TRIP11: variants seen among roughly 807,000 people sequenced by gnomAD.
TRIP11 encodes the protein thyroid hormone receptor interactor 11, also known as thyroid receptor-interacting protein 11.
In TRIP11, 148 loss-of-function variants were observed where a neutral mutation model predicts 223.1. The ratio of observed to expected loss-of-function variants is 0.66; its 90% confidence interval spans 0.58 to 0.76. The LOEUF is 0.76. Ranked by LOEUF, TRIP11 falls within the 30% of genes least tolerant of loss-of-function variation. The pLI, the probability that TRIP11 is intolerant of heterozygous loss-of-function variation, is 0.00. For synonymous variants in TRIP11, 762 were observed against 772.6 expected (o/e 0.99, Z 0.23); for missense variants, 2,043 against 2,222.0 (o/e 0.92, Z 1.62).
At chr14:91,993,785 C>T in intron 15 of TRIP11, 24 bp downstream of exon 15, 1 of 1,555,222 alleles carries the variant, frequency 6.4e-7, no homozygotes, top group Non-Finnish European at 8.9e-7. Context: ...ATAAAACCTA[C>T]AAGAGAAAAC....
At position 92,006,238 on chromosome 14, in the gene TRIP11, T is replaced by G. The variant is rs758648387; in HGVS notation, c.1738A>C (p.Lys580Gln). 7.4e-6 allele frequency: 12 copies of G among 1,613,024 alleles called. No individual in the cohort carries two copies. In the African/African-American group the frequency reaches 1.6e-4, roughly 22 times the overall value. The change falls in exon 11 of 21, where the codon AAA becomes CAA. Residue 580 changes from lysine (K) to glutamine (Q), a missense_variant. Coordinates refer to ENST00000267622, the MANE Select transcript of TRIP11 (RefSeq NM_004239.4). The part of the protein sequence containing the change: ...ALNDLHLTKQ[K>Q]LEDKVENLVD... ...AAATTTTCTACTTTGTCCTCAAGTT[T>G]CTGCTTGGTTAAATGTAAATCATTT...
rs1038370053 is a variant in TRIP11 at position 91,988,424 on chromosome 14, T to G, written c.5161-41A>C. 7.1e-6 allele frequency: 11 copies of G among 1,550,702 alleles called. 1 individual carries two copies. In the South Asian group the frequency reaches 1.2e-4, roughly 17 times the overall value. On this transcript the variant is annotated intron_variant, in intron 15 of 20. Transcript: ENST00000267622. ...TTATTAAAAAAAAGTATGCAAAAAT[T>G]ATTTCACAAACTATAAGGCTGAGAG...
intron 15 of TRIP11, among the ~76,000 whole-genome samples, chr14:91,991,168 T>C (rs1171415547): frequency 6.6e-6 from 1 of 152,144 alleles, no homozygotes; most frequent in African/African-American, 2.4e-5. Flanking sequence ...AATAGATTAA[T>C]GTCCTTATTG....
intron 12 of TRIP11, among the ~76,000 whole-genome samples, chr14:91,999,758 T>A (rs1277262030): frequency 3.9e-5 from 6 of 152,168 alleles, no homozygotes; most frequent in Non-Finnish European, 8.8e-5. Flanking sequence ...GGGCAATTTT[T>A]CTTATATCCG....
Position 92,039,888 on chromosome 14 carries a change from C to G in TRIP11, c.-203G>C. On this transcript the variant is annotated 5_prime_UTR_variant, in exon 1 of 21. Coordinates refer to ENST00000267622, the MANE Select transcript of TRIP11 (RefSeq NM_004239.4). Reference sequence around the variant, plus strand: ...GCCTGGAATTTTACCAGGGGCCCGCCTCTAGTGACACAGTCACCTACGGAG... The same window carrying G: ...GCCTGGAATTTTACCAGGGGCCCGCGTCTAGTGACACAGTCACCTACGGAG... 9.8e-7 allele frequency: 1 copy of G among 1,017,050 alleles called. No individual in the cohort carries two copies. The highest frequency in any genetic ancestry group is 1.4e-6 in the Non-Finnish European group (1 of 706,544). The allele number at this position is 1,017,050 out of a possible 1,614,324, so 63.0% of individuals were successfully genotyped here.
In TRIP11 at chr14:92,013,128, G is replaced by A. The variant is rs34724072; in HGVS notation, c.1186+1087C>T. Among the ~76,000 whole-genome samples the A allele has an allele frequency of 3.4e-3, 525 of 152,256 alleles. 1 individual carries two copies. Among genetic ancestry groups the A allele is most frequent in the Non-Finnish European group, 5.6e-3 (380 of 68,012 alleles). ...CTAAAAATACAAAAATTAGCTGGGC[G>A]TGGTGACACATGCTTGTAGTCCCAG... On this transcript the variant is annotated intron_variant, in intron 7 of 20. Coordinates refer to ENST00000267622, the MANE Select transcript of TRIP11 (RefSeq NM_004239.4).
rs754314686 is a variant in TRIP11 at position 92,005,520 on chromosome 14, TTTTCAATAAAAA to T, written c.2444_2455del (p.Ile815_Glu818del). 16 of 1,611,632 alleles carry T rather than the reference TTTTCAATAAAAA, an allele frequency of 9.9e-6. No homozygotes were observed. The highest frequency in any genetic ancestry group is 1.4e-5 in the Non-Finnish European group (16 of 1,179,606). ...CAGCTTTGAACTTCTTTCTTTAAGC[TTTTCAATAAAAA>T]TTTCTTTCTTGTTTATAAGTTGTGT... is the stretch of plus-strand genomic sequence containing the variant. On this transcript the variant is annotated inframe_deletion, in exon 11 of 21. Transcript: ENST00000267622.
chr14:92,024,370 CAAA>C (rs61209764), intron 3 of TRIP11, among the ~76,000 whole-genome samples: 3 of 106,660 alleles, frequency 2.8e-5, no homozygotes, highest in Non-Finnish European at 2.0e-5. Context: ...GACTCTGTCT[CAAA>C]AAAAAAAAAA....
chr14:92,035,581 A>ATT (rs200927283), intron 1 of TRIP11, among the ~76,000 whole-genome samples: 5 of 117,954 alleles, frequency 4.2e-5, no homozygotes, highest in Non-Finnish European at 7.2e-5. Context: ...TTATTTATTT[A>ATT]TTTATTTTTT....
chr14:91,973,652 T>C (rs2056427210), intron 19 of TRIP11, among the ~76,000 whole-genome samples: 1 of 151,956 alleles, frequency 6.6e-6, no homozygotes, highest in Non-Finnish European at 1.5e-5. Flanking sequence ...TAAATTAAAT[T>C]TTATGCCAGC....
rs2056344008 is a variant in TRIP11 at position 91,966,537 on chromosome 14, G to GATAAGTAT, written c.*3128_*3135dup. The GATAAGTAT allele has an allele frequency of 5.0e-6, 1 of 201,450 alleles. No individual in the cohort carries two copies. Among genetic ancestry groups the GATAAGTAT allele is most frequent in the Non-Finnish European group, 1.0e-5 (1 of 97,888 alleles). The allele number at this position is 201,450 out of a possible 1,614,324, so 12.5% of individuals were successfully genotyped here. ...ACATAGCTTTTCCCCCCATTGATTGGATAAGTATTTTGATAGTTTCTGTAC... is the reference window on the plus strand; with the variant it reads ...ACATAGCTTTTCCCCCCATTGATTGGATAAGTATATAAGTATTTTGATAGTTTCTGTAC... On this transcript the variant is annotated 3_prime_UTR_variant, in exon 21 of 21. Transcript: ENST00000267622.
intron 16 of TRIP11, among the ~76,000 whole-genome samples, chr14:91,982,408 T>C (rs1339196377): frequency 1.3e-5 from 2 of 151,972 alleles, no homozygotes; most frequent in African/African-American, 4.8e-5. Context: ...GAGCCACACA[T>C]TGGGTACATA....
rs760584866 is a variant in TRIP11, at chr14:92,015,898, T to G, written c.658-37A>C. ...AAAACAAAGTTATTCACATTTATAATCAATAAATTTATGTAAGCTATATAT... is the reference window on the plus strand; with the variant it reads ...AAAACAAAGTTATTCACATTTATAAGCAATAAATTTATGTAAGCTATATAT... On this transcript the variant is annotated intron_variant, in intron 5 of 20. Coordinates refer to ENST00000267622, the MANE Select transcript of TRIP11 (RefSeq NM_004239.4). The G allele has an allele frequency of 1.8e-5, 27 of 1,530,200 alleles. No homozygotes were observed. In the South Asian group the frequency reaches 3.1e-4, roughly 18 times the overall value. The allele number at this position is 1,530,200 out of a possible 1,614,324, so 94.8% of individuals were successfully genotyped here. A position where few individuals can be genotyped will look rare whatever the true frequency, so the allele number is the denominator to read the frequency against.
intron 14 of TRIP11, 73 bp downstream of exon 14, chr14:91,995,279 A>G (rs995502979): frequency 6.3e-7 from 1 of 1,582,084 alleles, no homozygotes. Context: ...CTCATCTAAA[A>G]TAGCTCTCAA....
rs112355645 is a variant in TRIP11, at chr14:92,033,002, A to G, written c.201+190T>C. On this transcript the variant is annotated intron_variant, in intron 2 of 20. Coordinates refer to ENST00000267622, the MANE Select transcript of TRIP11 (RefSeq NM_004239.4). Reference sequence around the variant, plus strand: ...AGATGGGAATATTAAAGAATAGCAAACTGCAGTAACAGGTAAATATATTTT... The same window carrying G: ...AGATGGGAATATTAAAGAATAGCAAGCTGCAGTAACAGGTAAATATATTTT... 4.6e-3 allele frequency among the ~76,000 whole-genome samples: 696 copies of G among 152,264 alleles called. 11 individuals are homozygous for G. The highest frequency in any genetic ancestry group is 0.036 in the South Asian group (173 of 4,822).
At chr14:91,970,367 C>T (rs61293954) in intron 20 of TRIP11, among the ~76,000 whole-genome samples, 5 of 151,772 alleles carry the variant, frequency 3.3e-5, no homozygotes, top group Non-Finnish European at 5.9e-5. Flanking sequence ...GACTGGAGAT[C>T]GCACCACTGC....
At chr14:91,987,397 C>A (rs17127819) in intron 16 of TRIP11, among the ~76,000 whole-genome samples, 1 of 152,130 alleles carries the variant, frequency 6.6e-6, no homozygotes, top group African/African-American at 2.4e-5. Flanking sequence ...GTCAGTGGTT[C>A]CTGCCGGCTT....
rs757493810 is a variant in TRIP11 at position 92,004,929 on chromosome 14, G to C, written c.3047C>G (p.Ala1016Gly). The change falls in exon 11 of 21, where the codon GCT becomes GGT. Residue 1016 changes from alanine (A) to glycine (G), a missense_variant. Ala to Gly is a moderately conservative substitution (Grantham distance 60). Coordinates refer to ENST00000267622, the MANE Select transcript of TRIP11 (RefSeq NM_004239.4). Reference sequence around the variant, plus strand: ...TCCTTTCACTAATCTTTCCGTTTCAGCTTTAGATAAATCATGCTTTTCACT... The same window carrying C: ...TCCTTTCACTAATCTTTCCGTTTCACCTTTAGATAAATCATGCTTTTCACT... ...NGSEKHDLSK[A>G]ETERLVKGIK... is the part of the protein sequence containing the mutation. 4 of 1,613,798 alleles carry C rather than the reference G, an allele frequency of 2.5e-6. No homozygotes were observed. Among genetic ancestry groups the C allele is most frequent in the Non-Finnish European group, 3.4e-6 (4 of 1,179,966 alleles).
intron 9 of TRIP11, among the ~76,000 whole-genome samples, chr14:92,009,978 C>T (rs1291042800): frequency 6.6e-6 from 1 of 152,122 alleles, no homozygotes; most frequent in Non-Finnish European, 1.5e-5. Flanking sequence ...GTTTTCTGAA[C>T]ACATATATCA....
Sources: allele counts gnomAD v4.1 joint callset (sites outside exome capture counted in the v4.1 genomes callset), GRCh38; gene constraint gnomAD v4.1.1; transcripts MANE v1.5; gene names NCBI Gene and HGNC (gene_info 2026-07-23, HGNC 2026-07-21).